Variants in CADM2 observed in about 807,000 individuals in gnomAD.
CADM2 encodes the protein cell adhesion molecule 2.
A neutral mutation model predicts 49.8 loss-of-function variants in CADM2; 12 were observed. The observed-to-expected ratio is 0.24, with a 90% confidence interval of 0.15 to 0.39. The LOEUF is 0.39. Ranked by LOEUF, CADM2 falls within the 10% of genes least tolerant of loss-of-function variation. The pLI is 1.00. For synonymous variants in CADM2, 214 were observed against 175.4 expected (o/e 1.22, Z -1.74); for missense variants, 378 against 492.3 (o/e 0.77, Z 2.20).
chr3:85,634,081 C>G lies in CADM2; in HGVS notation c.62-92441C>G, dbSNP rs375212590. On this transcript the variant is annotated intron_variant, in intron 1 of 9. Transcript: ENST00000383699. ...GTGAGAGGTAAATCTTCCTTGCTTG[C>G]GACTGCTCATAGGGCCTTTTTTGGC... Among the ~76,000 whole-genome samples the G allele has an allele frequency of 1.2e-4, 19 of 152,026 alleles. No individual in the cohort carries two copies. In the South Asian group the frequency reaches 3.7e-3, roughly 30 times the overall value.
At chr3:85,270,883 T>G (rs557920003) in intron 1 of CADM2, among the ~76,000 whole-genome samples, 1 of 151,582 alleles carries the variant, frequency 6.6e-6, no homozygotes, top group East Asian at 1.9e-4. Context: ...AATGTTTACA[T>G]GAAGCATATT....
At chr3:84,999,348 C>A (rs1041354721) in intron 1 of CADM2, among the ~76,000 whole-genome samples, 3 of 152,034 alleles carry the variant, frequency 2.0e-5, no homozygotes, top group African/African-American at 7.2e-5. Context: ...TTTAAAGACA[C>A]CGTATTTAAT....
At chr3:85,586,214 C>T (rs906941056) in intron 1 of CADM2, among the ~76,000 whole-genome samples, 1 of 152,080 alleles carries the variant, frequency 6.6e-6, no homozygotes, top group Non-Finnish European at 1.5e-5. Flanking sequence ...ATCCCCCTAG[C>T]TCATGCTGGG....
At chr3:85,632,035 G>A (rs923555593) in intron 1 of CADM2, among the ~76,000 whole-genome samples, 9 of 152,144 alleles carry the variant, frequency 5.9e-5, no homozygotes, top group Admixed American at 5.9e-4. Context: ...AATGGCTTCT[G>A]ATGTAGTTTG....
intron 2 of CADM2, among the ~76,000 whole-genome samples, chr3:85,775,021 C>G (rs1366336126): frequency 6.6e-6 from 1 of 151,664 alleles, no homozygotes; most frequent in African/African-American, 2.4e-5. Flanking sequence ...CACACACACA[C>G]CCTTATATAA....
chr3:85,616,881 A>C (rs2063814453), intron 1 of CADM2, among the ~76,000 whole-genome samples: 1 of 152,184 alleles, frequency 6.6e-6, no homozygotes, highest in Non-Finnish European at 1.5e-5. Flanking sequence ...AAACAGAAGA[A>C]AGCAGAAATA....
chr3:85,601,690 C>CT (rs896413341), intron 1 of CADM2, among the ~76,000 whole-genome samples: 20 of 150,194 alleles, frequency 1.3e-4, no homozygotes, highest in African/African-American at 3.2e-4. Flanking sequence ...CTGTTTGTTT[C>CT]TTTTTTTTTC....
chr3:86,041,116 A>G (rs890308139), intron 8 of CADM2, among the ~76,000 whole-genome samples: 6 of 152,242 alleles, frequency 3.9e-5, no homozygotes, highest in Admixed American at 2.0e-4. Context: ...GGTACCAGCC[A>G]CTGCAAAAAC....
At chr3:85,336,944 TATATATATTTAATATATATATTAA>T (rs1213159841) in intron 1 of CADM2, among the ~76,000 whole-genome samples, 29 of 50,456 alleles carry the variant, frequency 5.7e-4, no homozygotes, top group African/African-American at 8.6e-4. Context: ...GAACTAAATA[TATATATATTTAATATATATATTAA>T]ATATATATTT....
At chr3:85,235,397 C>A (rs895774360) in intron 1 of CADM2, among the ~76,000 whole-genome samples, 1 of 151,918 alleles carries the variant, frequency 6.6e-6, no homozygotes, top group East Asian at 1.9e-4. Flanking sequence ...TGAATTATAT[C>A]GGAATGGAAT....
At chr3:86,051,249 C>T (rs1326189894) in intron 8 of CADM2, among the ~76,000 whole-genome samples, 1 of 152,108 alleles carries the variant, frequency 6.6e-6, no homozygotes, top group Non-Finnish European at 1.5e-5. Context: ...CTCAATGCAG[C>T]CAGTTTCTTT....
intron 1 of CADM2, among the ~76,000 whole-genome samples, chr3:85,053,166 G>A (rs941422962): frequency 6.6e-6 from 1 of 151,910 alleles, no homozygotes; most frequent in Non-Finnish European, 1.5e-5. Context: ...TATAATGAAG[G>A]CTAAAATGTT....
chr3:85,518,845 C>T (rs1019883146), intron 1 of CADM2, among the ~76,000 whole-genome samples: 6 of 152,066 alleles, frequency 3.9e-5, no homozygotes, highest in Non-Finnish European at 7.3e-5. Flanking sequence ...TCAATTTAGT[C>T]ACCTCGGCAA....
At chr3:85,865,902 T>C (rs1367679584) in intron 3 of CADM2, among the ~76,000 whole-genome samples, 1 of 151,978 alleles carries the variant, frequency 6.6e-6, no homozygotes, top group African/African-American at 2.4e-5. Flanking sequence ...TCAGTGAGAG[T>C]GGAAAGCAAC....
intron 1 of CADM2, chr3:85,511,990 A>G: frequency 1.7e-6 from 1 of 588,338 alleles, no homozygotes; most frequent in Admixed American, 6.3e-5. Context: ...TTTAAAGCCA[A>G]TGTTCTTTTA....
intron 5 of CADM2, among the ~76,000 whole-genome samples, chr3:85,899,558 ATC>A (rs1715815104): frequency 6.6e-6 from 1 of 151,966 alleles, no homozygotes; most frequent in Non-Finnish European, 1.5e-5. Context: ...CTGTATATTT[ATC>A]TTTTTATTGT....
At chr3:85,182,072 T>C (rs1386719200) in intron 1 of CADM2, among the ~76,000 whole-genome samples, 1 of 151,724 alleles carries the variant, frequency 6.6e-6, no homozygotes, top group Admixed American at 6.6e-5. Context: ...TAAAGTTACA[T>C]TGCATCTTCT....
chr3:85,220,989 A>G (rs1460421718), intron 1 of CADM2, among the ~76,000 whole-genome samples: 2 of 152,176 alleles, frequency 1.3e-5, no homozygotes, highest in Non-Finnish European at 2.9e-5. Context: ...TCATTGTTAG[A>G]TGTCTTTAAG....
In CADM2 at chr3:86,025,053, T is replaced by TTTTTG. The variant is rs780447484; in HGVS notation, c.971-40536_971-40532dup. 1.5e-4 allele frequency among the ~76,000 whole-genome samples: 22 copies of TTTTTG among 151,140 alleles called. No individual in the cohort carries two copies. The South Asian group carries it at 2.7e-3, about 19-fold the overall frequency. On this transcript the variant is annotated intron_variant, in intron 8 of 9. Transcript: ENST00000383699. ...ACCACTATGCCTGACTAGTTGTTTT[T>TTTTTG]TTTTGTTTTGTTTTGTTTTGGAGAC...
Sources: gnomAD v4.1 joint callset for allele counts (sites outside exome capture counted in the v4.1 genomes callset) on GRCh38, gnomAD v4.1.1 for gene constraint, MANE v1.5 for transcripts, NCBI Gene and HGNC (gene_info 2026-07-23, HGNC 2026-07-21) for gene names.